Variants in HCN4 observed in about 807,000 individuals in gnomAD.
HCN4 encodes hyperpolarization activated cyclic nucleotide gated potassium channel 4.
Under a neutral mutation model 76.9 loss-of-function variants are expected in HCN4, and 29 were observed. The observed-to-expected ratio is 0.38, with a 90% CI of 0.28 to 0.51. The LOEUF (loss-of-function observed/expected upper bound fraction) is 0.51. HCN4 is among the 20% of genes least tolerant of loss of function. The pLI is 0.90. For missense variants in HCN4, 1,416 were observed against 1,715.2 expected (o/e 0.83, Z 3.08); for synonymous variants, 772 against 762.5 (o/e 1.01, Z -0.21).
chr15:73,332,091 G>C, intron 3 of HCN4, 40 bp downstream of exon 3: 1 of 1,605,316 alleles, frequency 6.2e-7, no homozygotes, highest in Non-Finnish European at 8.5e-7. Context: ...TGGAGAGCCC[G>C]CCTATGGCCC....
At chr15:73,329,893 A>G in intron 3 of HCN4, 102 bp from the exon 4 acceptor site, 2 of 968,638 alleles carry the variant, frequency 2.1e-6, no homozygotes, top group South Asian at 1.4e-5. Flanking sequence ...TAACTTTCTC[A>G]GTGGCTGGGC....
At chr15:73,355,175 G>C (rs2043072386) in intron 1 of HCN4, among the ~76,000 whole-genome samples, 2 of 152,200 alleles carry the variant, frequency 1.3e-5, no homozygotes, top group Non-Finnish European at 2.9e-5. Context: ...TAGAGGCCAG[G>C]GGTTACAGGA....
In HCN4 at chr15:73,343,500, G is replaced by A. The variant is rs745346676; in HGVS notation, c.1094C>T (p.Ser365Leu). The change falls in exon 2 of 8, where the codon TCG becomes TTG. Residue 365 changes from serine to leucine, a missense_variant. Coordinates refer to ENST00000261917, the MANE Select transcript of HCN4 (RefSeq NM_005477.3). This position sits in a 1 kb window ranked among gnomAD's most constrained non-coding sequence, Gnocchi z 5.7. ...GGCCCGGGCAGTCTTGTAGACCTCCGAGTCGATGCGTGTCTCCACAATGAG... is the reference window on the plus strand; with the variant it reads ...GGCCCGGGCAGTCTTGTAGACCTCCAAGTCGATGCGTGTCTCCACAATGAG... The part of the protein sequence containing the change: ...IFLIVETRID[S>L]EVYKTARALR... 17 of 1,614,078 alleles carry A rather than the reference G, an allele frequency of 1.1e-5. No homozygotes were observed. The highest frequency in any genetic ancestry group is 1.3e-5 in the Non-Finnish European group (15 of 1,180,044).
At position 73,325,535 on chromosome 15, in the gene HCN4, C is replaced by T. The variant is rs1253532443; in HGVS notation, c.1591-91G>A. 1 of 1,330,710 alleles carries T rather than the reference C, an allele frequency of 7.5e-7. No homozygotes were observed. The highest frequency in any genetic ancestry group is 1.1e-6 in the Non-Finnish European group (1 of 922,780). The allele number at this position is 1,330,710 out of a possible 1,614,324, so 82.4% of individuals were successfully genotyped here. On this transcript the variant is annotated intron_variant, in intron 4 of 7. Transcript: ENST00000261917. This position sits in a 1 kb window ranked among gnomAD's most constrained non-coding sequence, Gnocchi z 7.4. Reference sequence around the variant, plus strand: ...CCTCGGCAGGCACCACATCCGGGCACCCACCCCGGGGGATTTCCTGGCTAA... The same window carrying T: ...CCTCGGCAGGCACCACATCCGGGCATCCACCCCGGGGGATTTCCTGGCTAA...
At chr15:73,354,702 TG>T (rs1398549668) in intron 1 of HCN4, among the ~76,000 whole-genome samples, 3 of 152,210 alleles carry the variant, frequency 2.0e-5, no homozygotes, top group Admixed American at 6.5e-5. Flanking sequence ...GAAGACCAAA[TG>T]AGATAATATT....
intron 1 of HCN4, among the ~76,000 whole-genome samples, chr15:73,358,453 G>A (rs2043090885): frequency 6.6e-6 from 1 of 152,210 alleles, no homozygotes; most frequent in Non-Finnish European, 1.5e-5. Flanking sequence ...GGGAACTGCA[G>A]GGTAATTACT....
rs1275182704 is a variant in HCN4 at position 73,343,592 on chromosome 15, T to A, written c.1002A>T (p.Lys334Asn). Reference sequence around the variant, plus strand: ...TGAACCAGCTTTTCAGGTACTTCATTTTAATCCGCTGCGGGTCCAGGATGA... The same window carrying A: ...TGAACCAGCTTTTCAGGTACTTCATATTAATCCGCTGCGGGTCCAGGATGA... ...TEIILDPQRIKMKYLKSWFMV... is the reference protein window; with the variant it reads ...TEIILDPQRINMKYLKSWFMV... Residue 334 changes from lysine (K) to asparagine (N), a missense_variant, in exon 2 of 8, where the codon AAA becomes AAT. Physicochemically the swap from Lys to Asn is moderately conservative, Grantham distance 94 (BLOSUM62 0). Transcript: ENST00000261917. The surrounding 1 kb of genome is among the most constrained non-coding windows in gnomAD (Gnocchi z 5.7). 1 of 1,614,000 alleles carries A rather than the reference T, an allele frequency of 6.2e-7. No individual in the cohort carries two copies. Among genetic ancestry groups the A allele is most frequent in the East Asian group, 2.2e-5 (1 of 44,888 alleles).
At position 73,322,432 on chromosome 15, in the gene HCN4, AGAAG is replaced by A. The variant is rs369806660; in HGVS notation, c.*45_*48del. On this transcript the variant is annotated 3_prime_UTR_variant, in exon 8 of 8. Coordinates refer to ENST00000261917, the MANE Select transcript of HCN4 (RefSeq NM_005477.3). ...CCTAATCACAGTTAAACCTGAAGGA[AGAAG>A]GAAGGGAGAGAAAAGAAGAAAGAAG... 2.0e-3 allele frequency: 2,869 copies of A among 1,411,450 alleles called. 25 individuals are homozygous for A. The highest frequency in any genetic ancestry group is 0.017 in the South Asian group (1,397 of 81,256). The allele number at this position is 1,411,450 out of a possible 1,614,324, so 87.4% of individuals were successfully genotyped here.
intron 6 of HCN4, 31 bp downstream of exon 6, chr15:73,324,923 GC>G: frequency 6.2e-7 from 1 of 1,613,060 alleles, no homozygotes; most frequent in Non-Finnish European, 8.5e-7. Context: ...GGGAGCAGCT[GC>G]CCTGTCCCCC....
At position 73,323,547 on chromosome 15, in the gene HCN4, AC is replaced by A. The variant is rs756281469; in HGVS notation, c.2545del (p.Val849TrpfsTer23). 6.2e-7 allele frequency: 1 copy of A among 1,600,910 alleles called. No individual in the cohort carries two copies. Among genetic ancestry groups the A allele is most frequent in the Non-Finnish European group, 8.5e-7 (1 of 1,179,850 alleles). On this transcript the variant is annotated frameshift_variant, in exon 8 of 8. Coordinates refer to ENST00000261917, the MANE Select transcript of HCN4 (RefSeq NM_005477.3). LOFTEE classifies it high-confidence loss of function. ...GAAGGAGGATGAAGACGGTGTGTCCACCTGGGACGGGCTGCTGGCGGGCGAG... is the reference window on the plus strand; with the variant it reads ...GAAGGAGGATGAAGACGGTGTGTCCACTGGGACGGGCTGCTGGCGGGCGAG... Reference protein sequence around the residue: ...SASPASSPSQVDTPSSSSFHI... With the variant: ...SASPASSPSQXDTPSSSSFHI...
rs1567786445 is a variant in HCN4, at chr15:73,343,292, G to A, written c.1209+93C>T. ...CAGGTGTGCCTGCCACAATCTGACA[G>A]CCTATGTTCAATTATCTGAGGTTCC... On this transcript the variant is annotated intron_variant, in intron 2 of 7. Transcript: ENST00000261917. This position sits in a 1 kb window ranked among gnomAD's most constrained non-coding sequence, Gnocchi z 5.7. 1 of 1,244,148 alleles carries A rather than the reference G, an allele frequency of 8.0e-7. No homozygotes were observed. The highest frequency in any genetic ancestry group is 1.2e-6 in the Non-Finnish European group (1 of 863,608). The allele number at this position is 1,244,148 out of a possible 1,614,324, so 77.1% of individuals were successfully genotyped here.
At chr15:73,362,963 G>A (rs1012988905) in intron 1 of HCN4, among the ~76,000 whole-genome samples, 1 of 152,148 alleles carries the variant, frequency 6.6e-6, no homozygotes, top group Admixed American at 6.5e-5. Flanking sequence ...AAGCACCTCG[G>A]TCCTGAGCTC....
chr15:73,352,307 C>T (rs1415977523), intron 1 of HCN4, among the ~76,000 whole-genome samples: 5 of 152,158 alleles, frequency 3.3e-5, no homozygotes, highest in Admixed American at 1.3e-4. Flanking sequence ...CCACATGATG[C>T]GGGCAGCCCT....
chr15:73,366,888 C>G (rs2043130608), intron 1 of HCN4, among the ~76,000 whole-genome samples: 1 of 152,224 alleles, frequency 6.6e-6, no homozygotes, highest in Admixed American at 6.5e-5. Flanking sequence ...GCCCAGGGTG[C>G]CTGCTCTTGG....
chr15:73,331,998 T>C, intron 3 of HCN4, 133 bp downstream of exon 3: 1 of 824,354 alleles, frequency 1.2e-6, no homozygotes, highest in South Asian at 1.5e-5. Context: ...TAGAGCTATG[T>C]GCCCCCTCAG....
chr15:73,325,285 C>G lies in HCN4; in HGVS notation c.1737+13G>C, dbSNP rs1433970649. 6.2e-7 allele frequency: 1 copy of G among 1,614,170 alleles called. No individual in the cohort carries two copies. Among genetic ancestry groups the G allele is most frequent in the Admixed American group, 1.7e-5 (1 of 60,034 alleles). ...CCTGGCTCCCCTCCACGCCGGGCCG[C>G]CACACAGCTCACCTCCCGCAGGGGC... On this transcript the variant is annotated intron_variant, in intron 5 of 7. Coordinates refer to ENST00000261917, the MANE Select transcript of HCN4 (RefSeq NM_005477.3). This position sits in a 1 kb window ranked among gnomAD's most constrained non-coding sequence, Gnocchi z 7.4.
At chr15:73,332,764 C>T (rs946753422) in intron 2 of HCN4, among the ~76,000 whole-genome samples, 5 of 152,152 alleles carry the variant, frequency 3.3e-5, no homozygotes, top group Non-Finnish European at 4.4e-5. Flanking sequence ...ACGGTAGCCA[C>T]GGAACTGCAG....
chr15:73,341,386 C>T (rs1200997513), intron 2 of HCN4, among the ~76,000 whole-genome samples: 1 of 152,126 alleles, frequency 6.6e-6, no homozygotes, highest in African/African-American at 2.4e-5. Flanking sequence ...AAGCAATCCA[C>T]CCATCTCGGC....
chr15:73,323,285 C>T lies in HCN4; in HGVS notation c.2808G>A (p.Pro936=), dbSNP rs759771224. The T allele has an allele frequency of 1.2e-5, 18 of 1,533,740 alleles. No individual in the cohort carries two copies. The highest frequency in any genetic ancestry group is 1.8e-4 in the Middle Eastern group (1 of 5,584). ...GCGCGGGAGATGGCTGGGCAGCCTG[C>T]GGGGAGCGGGCGCCTGGCTGCAGCG... The part of the protein sequence containing the change: ...LTPLQPGARS[P]QAAQPSPAPP... The change falls in exon 8 of 8, where the codon CCG becomes CCA. Residue 936 remains proline, a synonymous_variant. Transcript: ENST00000261917.
Sources: gnomAD v4.1 joint callset for allele counts (sites outside exome capture counted in the v4.1 genomes callset) on GRCh38, gnomAD v4.1.1 for gene constraint, Gnocchi (gnomAD v3.1) non-coding constraint, MANE v1.5 for transcripts, NCBI Gene and HGNC (gene_info 2026-07-23, HGNC 2026-07-21) for gene names.